FCRL3: variants seen among roughly 807,000 people sequenced by gnomAD.
FCRL3 encodes Fc receptor like 3, also known as Fc receptor-like protein 3.
Under a neutral mutation model 75.0 loss-of-function variants are expected in FCRL3, and 89 were observed. The ratio of observed to expected loss-of-function variants is 1.19; its 90% confidence interval spans 1.00 to 1.42. The LOEUF (loss-of-function observed/expected upper bound fraction) is 1.42, where lower values mean the gene tolerates loss of function less well. Ranked by LOEUF, FCRL3 falls within the 40% of genes most tolerant of loss-of-function variation. The pLI is 0.00. For synonymous variants in FCRL3, 376 were observed against 348.5 expected, an observed-to-expected ratio of 1.08 and a Z score of -0.88; for missense variants, 946 against 880.0, an observed-to-expected ratio of 1.07 and a Z score of -0.95.
rs374184544 is a variant in FCRL3, at chr1:157,683,173, A to G, written c.1838+44T>C. The G allele has an allele frequency of 1.9e-6, 3 of 1,601,342 alleles. No individual in the cohort carries two copies. The South Asian group carries it at 3.4e-5, about 18-fold the overall frequency. ...ACATAAACAAGTCTCGTGCATATAA[A>G]TAAATCATGAAAATGTTGGCAGCAC... On this transcript the variant is annotated intron_variant, in intron 11 of 14. Coordinates refer to ENST00000368184, the MANE Select transcript of FCRL3 (RefSeq NM_052939.4).
At chr1:157,685,526 G>A (rs1009180956) in intron 10 of FCRL3, among the ~76,000 whole-genome samples, 8 of 152,002 alleles carry the variant, frequency 5.3e-5, no homozygotes, top group African/African-American at 1.4e-4. Flanking sequence ...ACAGATCATC[G>A]AGGCAGAAAA....
At position 157,677,736 on chromosome 1, in the gene FCRL3, A is replaced by AT; in HGVS notation, c.*973dup. 3.3e-6 allele frequency: 2 copies of AT among 598,428 alleles called. No individual in the cohort carries two copies. Among genetic ancestry groups the AT allele is most frequent in the Non-Finnish European group, 4.2e-6 (2 of 476,906 alleles). 37.1% of individuals were successfully genotyped at this position (598,428 alleles called of 1,614,324 possible). A position where few individuals can be genotyped will look rare whatever the true frequency, so the allele number is the denominator to read the frequency against. ...ACATGAAGAGAAAGTACTAAAAAAA[A>AT]TTATCTACAACAATATGGTCTTTAA... On this transcript the variant is annotated 3_prime_UTR_variant, in exon 15 of 15. Coordinates refer to ENST00000368184, the MANE Select transcript of FCRL3 (RefSeq NM_052939.4).
rs1654524937 is a variant in FCRL3, at chr1:157,677,358, A to G, written c.*1352T>C. On this transcript the variant is annotated 3_prime_UTR_variant, in exon 15 of 15. Transcript: ENST00000368184. ...GACTCCAAGAAATATTGATTAGAGG[A>G]AGATGTGGTGCTTTGAAAGGGACTT... The G allele has an allele frequency of 2.0e-6, 2 of 985,958 alleles. No individual in the cohort carries two copies. The highest frequency in any genetic ancestry group is 1.7e-5 in the African/African-American group (1 of 57,244). 61.1% of individuals were successfully genotyped at this position (985,958 alleles called of 1,614,324 possible). A position where few individuals can be genotyped will look rare whatever the true frequency, so the allele number is the denominator to read the frequency against.
chr1:157,684,882 A>G (rs545188961), intron 10 of FCRL3, among the ~76,000 whole-genome samples: 1 of 152,292 alleles, frequency 6.6e-6, no homozygotes. Context: ...AGAAAAATGT[A>G]GAAGGTCTGA....
At chr1:157,687,215 G>A (rs1655228531) in intron 10 of FCRL3, among the ~76,000 whole-genome samples, 1 of 150,952 alleles carries the variant, frequency 6.6e-6, no homozygotes, top group South Asian at 2.1e-4. Flanking sequence ...CCAGAGAAAT[G>A]GAAATCAAAA....
In FCRL3 at chr1:157,676,888, G is replaced by A. The variant is rs1654492223; in HGVS notation, c.*1822C>T. ...AGCAGCAGGGTTAGAAAGGAGGAGA[G>A]CCTCCATATACAGCCTGGTGGTTGG... On this transcript the variant is annotated 3_prime_UTR_variant, in exon 15 of 15. Transcript: ENST00000368184. The A allele has an allele frequency of 6.7e-7, 1 of 1,501,004 alleles. No individual in the cohort carries two copies. The highest frequency in any genetic ancestry group is 8.9e-7 in the Non-Finnish European group (1 of 1,127,098). 93.0% of individuals were successfully genotyped at this position (1,501,004 alleles called of 1,614,324 possible). A position where few individuals can be genotyped will look rare whatever the true frequency, so the allele number is the denominator to read the frequency against.
rs1165767405 is a variant in FCRL3 at position 157,679,550 on chromosome 1, C to A, written c.2027-577G>T. Among the ~76,000 whole-genome samples, 7 of 152,142 alleles carry A rather than the reference C, an allele frequency of 4.6e-5. No homozygotes were observed. In the South Asian group the frequency reaches 6.2e-4, roughly 14 times the overall value. On this transcript the variant is annotated intron_variant, in intron 13 of 14. Coordinates refer to ENST00000368184, the MANE Select transcript of FCRL3 (RefSeq NM_052939.4). ...TACCTTTCCAAGGGGCTGTTTGTAT[C>A]TCTTTTATTTATTTGTGCAGCCAAT...
chr1:157,688,616 A>G (rs1655320828), intron 10 of FCRL3, among the ~76,000 whole-genome samples: 2 of 151,448 alleles, frequency 1.3e-5, no homozygotes, highest in Admixed American at 1.3e-4. Context: ...GAAATGTTAA[A>G]AAAAAAAAAA....
At chr1:157,683,426 G>A (rs1022296770) in intron 10 of FCRL3, among the ~76,000 whole-genome samples, 182 bp from the exon 11 acceptor site, 1 of 152,136 alleles carries the variant, frequency 6.6e-6, no homozygotes, top group African/African-American at 2.4e-5. Context: ...GGAAGGTGGG[G>A]TCTTGAAAGG....
intron 11 of FCRL3, among the ~76,000 whole-genome samples, chr1:157,681,959 A>T (rs1224935242): frequency 1.3e-5 from 2 of 151,578 alleles, no homozygotes; most frequent in African/African-American, 4.9e-5. Flanking sequence ...ATGGTATCTC[A>T]TTGTGGTTTT....
In FCRL3 at chr1:157,678,471, T is replaced by C; in HGVS notation, c.*239A>G. The stretch of plus-strand genomic sequence containing the variant: ...CCTAGGAGCTGAGGGCCCTCCTGCC[T>C]TGCCACGTGTCTCCACTGTGAAAAT... On this transcript the variant is annotated 3_prime_UTR_variant, in exon 15 of 15. Coordinates refer to ENST00000368184, the MANE Select transcript of FCRL3 (RefSeq NM_052939.4). The C allele has an allele frequency of 7.3e-7, 1 of 1,369,472 alleles. No homozygotes were observed. The highest frequency in any genetic ancestry group is 9.4e-7 in the Non-Finnish European group (1 of 1,060,240). 84.8% of individuals were successfully genotyped at this position (1,369,472 alleles called of 1,614,324 possible). A position where few individuals can be genotyped will look rare whatever the true frequency, so the allele number is the denominator to read the frequency against.
Position 157,690,481 on chromosome 1 carries a change from C to A in FCRL3, c.1464G>T (p.Val488=). The A allele has an allele frequency of 3.1e-6, 5 of 1,614,250 alleles. No individual in the cohort carries two copies. Residue 488 remains valine, a synonymous_variant, in exon 9 of 15, where the codon GTG becomes GTT. Coordinates refer to ENST00000368184, the MANE Select transcript of FCRL3 (RefSeq NM_052939.4). The part of the protein sequence containing the change: ...LTLRAPGAQA[V]VGDLLELHCE... ...AGTGAAGCTCCAGCAGGTCCCCCACCACAGCCTGGGCCCCGGGAGCCCTGA... is the reference window on the plus strand; with the variant it reads ...AGTGAAGCTCCAGCAGGTCCCCCACAACAGCCTGGGCCCCGGGAGCCCTGA...
In FCRL3 at chr1:157,696,313, T is replaced by C. The variant is rs1655902932; in HGVS notation, c.859A>G (p.Asn287Asp). 6.2e-7 allele frequency: 1 copy of C among 1,613,904 alleles called. No individual in the cohort carries two copies. The highest frequency in any genetic ancestry group is 1.3e-5 in the African/African-American group (1 of 74,882). Residue 287 changes from asparagine to aspartate, a missense_variant, in exon 7 of 15, where the codon AAT (asparagine) becomes GAT (aspartate). Asn to Asp is a conservative substitution (Grantham distance 23). Coordinates refer to ENST00000368184, the MANE Select transcript of FCRL3 (RefSeq NM_052939.4). ...GTGGGCCGGATCTCTAGATTCACAT[T>C]AGACACAGGGACTCCTGGGGGAACA... is the stretch of plus-strand genomic sequence containing the variant. ...QIRVQRVPVS[N>D]VNLEIRPTGG... is the part of the protein sequence containing the mutation.
At chr1:157,683,139 TAA>T (rs141977401) in intron 11 of FCRL3, 76 bp downstream of exon 11, 4 of 1,481,708 alleles carry the variant, frequency 2.7e-6, no homozygotes, top group Middle Eastern at 1.8e-4. Context: ...CATTGAAATT[TAA>T]AAAAAAACAT....
chr1:157,692,982 T>G (rs1380003794), intron 8 of FCRL3, among the ~76,000 whole-genome samples: 3 of 152,050 alleles, frequency 2.0e-5, no homozygotes, highest in Non-Finnish European at 4.4e-5. Flanking sequence ...CGATAGAAAT[T>G]CAACATGCAG....
chr1:157,679,330 C>T, intron 13 of FCRL3: 1 of 321,060 alleles, frequency 3.1e-6, no homozygotes, highest in Non-Finnish European at 5.9e-6. Context: ...GGCACCCACC[C>T]CCAATCCACT....
chr1:157,700,169 T>A (rs2101630163), intron 2 of FCRL3, among the ~76,000 whole-genome samples: 1 of 152,280 alleles, frequency 6.6e-6, no homozygotes, highest in South Asian at 2.1e-4. Context: ...AGTCTGAGGC[T>A]TAAGAGGGAG....
rs149955856 is a variant in FCRL3, at chr1:157,698,524, T to C, written c.158A>G (p.Gln53Arg). The C allele has an allele frequency of 2.3e-5, 37 of 1,614,154 alleles. No individual in the cohort carries two copies. Among genetic ancestry groups the C allele is most frequent in the Non-Finnish European group, 3.0e-5 (35 of 1,180,056 alleles). The stretch of plus-strand genomic sequence containing the variant: ...ATCGTGATACCAATATGTGTCTCCC[T>C]GGGCTAGGGAATGTGATATGCTGCT... Reference protein sequence around the residue: ...ICSSISHSLAQGDTYWYHDEK... With the variant: ...ICSSISHSLARGDTYWYHDEK... The change falls in exon 4 of 15, where the codon CAG (glutamine) becomes CGG (arginine). Residue 53 changes from glutamine to arginine, a missense_variant. Coordinates refer to ENST00000368184, the MANE Select transcript of FCRL3 (RefSeq NM_052939.4).
At chr1:157,697,089 C>A (rs1655958875) in intron 6 of FCRL3, 51 bp downstream of exon 6, 15 of 1,376,014 alleles carry the variant, frequency 1.1e-5, no homozygotes, top group Non-Finnish European at 1.3e-5. Flanking sequence ...ATATCACTGG[C>A]CTTCCTCTCC....
Sources: gnomAD v4.1 joint callset for allele counts (sites outside exome capture counted in the v4.1 genomes callset) on GRCh38, gnomAD v4.1.1 for gene constraint, MANE v1.5 for transcripts, NCBI Gene and HGNC (gene_info 2026-07-23, HGNC 2026-07-21) for gene names.